The following ATP8A2 variants were observed in gnomAD, a reference collection of about 807,000 sequenced individuals.
ATP8A2 encodes the protein phospholipid-transporting ATPase IB.
In ATP8A2, 100 loss-of-function variants were observed where a neutral mutation model predicts 165.6. That is an observed-to-expected ratio of 0.60 (90% CI 0.51 to 0.71). The LOEUF is 0.71. Among genes scored for constraint, ATP8A2 ranks in the 30% least tolerant of loss-of-function variants. The pLI, the probability that ATP8A2 is intolerant of heterozygous loss-of-function variation, is 0.00. For missense variants in ATP8A2, 1,227 were observed against 1,479.5 expected, an observed-to-expected ratio of 0.83 and a Z score of 2.80; for synonymous variants, 543 against 548.8, an observed-to-expected ratio of 0.99 and a Z score of 0.15.
intron 24 of ATP8A2, among the ~76,000 whole-genome samples, chr13:25,609,536 G>GATTCAAATATATATATATATATTTGT (rs1565976831): frequency 8.8e-5 from 10 of 114,238 alleles, no homozygotes; most frequent in Admixed American, 1.6e-4. Flanking sequence ...ATATATTTGG[G>GATTCAAATATATATATATATATTTGT]ATTCAAATAT....
At chr13:25,742,471 G>A (rs576033832) in intron 25 of ATP8A2, among the ~76,000 whole-genome samples, 1 of 152,020 alleles carries the variant, frequency 6.6e-6, no homozygotes, top group East Asian at 1.9e-4. Context: ...TACAAGTTAG[G>A]GGCTAACTAG....
intron 33 of ATP8A2, among the ~76,000 whole-genome samples, chr13:25,947,044 G>A (rs548092931): frequency 3.9e-5 from 6 of 152,220 alleles, no homozygotes; most frequent in South Asian, 2.1e-4. Flanking sequence ...CACCGCCCCC[G>A]GCCATGTTAT....
intron 36 of ATP8A2, among the ~76,000 whole-genome samples, chr13:26,016,931 C>T (rs556487930): frequency 1.3e-5 from 2 of 152,202 alleles, no homozygotes; most frequent in Non-Finnish European, 2.9e-5. Context: ...TACATCAAGA[C>T]CCAGGGAGCT....
chr13:25,617,311 G>A (rs1180892382), intron 24 of ATP8A2, among the ~76,000 whole-genome samples: 1 of 152,132 alleles, frequency 6.6e-6, no homozygotes, highest in Non-Finnish European at 1.5e-5. Context: ...TAATTTGAAG[G>A]TCTTTTTCTT....
chr13:25,979,131 T>C (rs1956127683), intron 35 of ATP8A2, among the ~76,000 whole-genome samples: 1 of 152,156 alleles, frequency 6.6e-6, no homozygotes, highest in Non-Finnish European at 1.5e-5. Flanking sequence ...AAGCCAGCAC[T>C]TGGAAAGCCA....
intron 10 of ATP8A2, among the ~76,000 whole-genome samples, chr13:25,546,147 A>G (rs1318246079): frequency 1.3e-5 from 2 of 152,220 alleles, no homozygotes; most frequent in African/African-American, 2.4e-5. Flanking sequence ...GAAAACCAAT[A>G]TTACATGAGT....
chr13:25,556,035 T>C (rs1206594571), intron 13 of ATP8A2, among the ~76,000 whole-genome samples: 1 of 152,226 alleles, frequency 6.6e-6, no homozygotes, highest in Non-Finnish European at 1.5e-5. Context: ...GGCATCTAGG[T>C]TGAGTCCATG....
intron 24 of ATP8A2, among the ~76,000 whole-genome samples, chr13:25,661,704 G>A (rs1056791519): frequency 6.6e-6 from 1 of 152,212 alleles, no homozygotes; most frequent in African/African-American, 2.4e-5. Context: ...CATGGATAGT[G>A]TGACCTACCC....
At chr13:25,754,335 C>T (rs1593296635) in intron 25 of ATP8A2, among the ~76,000 whole-genome samples, 1 of 152,064 alleles carries the variant, frequency 6.6e-6, no homozygotes, top group South Asian at 2.1e-4. Context: ...CAGCATTTGT[C>T]GTTACAGGAA....
chr13:25,610,319 A>G (rs2040649436), intron 24 of ATP8A2, among the ~76,000 whole-genome samples: 2 of 152,148 alleles, frequency 1.3e-5, no homozygotes, highest in Admixed American at 6.5e-5. Context: ...ATCTGGTTTC[A>G]TTCTTCTACA....
chr13:25,917,581 G>A (rs1954305896), intron 33 of ATP8A2, among the ~76,000 whole-genome samples: 2 of 152,218 alleles, frequency 1.3e-5, no homozygotes. Flanking sequence ...TGGGCCTCAT[G>A]GATTTCACAC....
At chr13:25,688,591 T>C (rs2042655811) in intron 24 of ATP8A2, among the ~76,000 whole-genome samples, 1 of 152,274 alleles carries the variant, frequency 6.6e-6, no homozygotes, top group African/African-American at 2.4e-5. Flanking sequence ...CAATTTTAAA[T>C]GTGGTAACGG....
intron 25 of ATP8A2, among the ~76,000 whole-genome samples, chr13:25,748,313 T>A (rs1389968632): frequency 2.6e-5 from 4 of 152,256 alleles, no homozygotes; most frequent in Admixed American, 1.3e-4. Context: ...GTATTTTGAA[T>A]GTTCTTTAGA....
chr13:25,839,566 C>T lies in ATP8A2; in HGVS notation c.2898C>T (p.Ile966=), dbSNP rs1433895049. 1 of 1,613,960 alleles carries T rather than the reference C, an allele frequency of 6.2e-7. No individual in the cohort carries two copies. Among genetic ancestry groups the T allele is most frequent in the East Asian group, 2.2e-5 (1 of 44,888 alleles). The change falls in exon 30 of 37, where the codon ATC becomes ATT. Residue 966 remains isoleucine, a synonymous_variant. Coordinates refer to ENST00000381655, the MANE Select transcript of ATP8A2 (RefSeq NM_016529.6). ...CTTAGGTTTTCTGGGGTCACTGCAT[C>T]AACGCCTTGGTCCACTCCCTCATCC... ...FNTKVFWGHC[I]NALVHSLILF...
intron 2 of ATP8A2, among the ~76,000 whole-genome samples, chr13:25,519,779 G>A (rs1305307504): frequency 6.6e-6 from 1 of 152,100 alleles, no homozygotes; most frequent in African/African-American, 2.4e-5. Context: ...ATGTCTTTAG[G>A]GGAGGGGTGG....
rs537230628 is a variant in ATP8A2, at chr13:25,747,429, C to T, written c.2385-21617C>T. On this transcript the variant is annotated intron_variant, in intron 25 of 36. Coordinates refer to ENST00000381655, the MANE Select transcript of ATP8A2 (RefSeq NM_016529.6). ...TTTGAAAATATAAAGGGCTTCAATTCGAACTGTTTGGCAGATGTAGCAAAA... is the reference window on the plus strand; with the variant it reads ...TTTGAAAATATAAAGGGCTTCAATTTGAACTGTTTGGCAGATGTAGCAAAA... Among the ~76,000 whole-genome samples the T allele has an allele frequency of 3.3e-5, 5 of 152,282 alleles. No individual in the cohort carries two copies. In the South Asian group the frequency reaches 6.2e-4, roughly 19 times the overall value.
chr13:25,961,536 A>G (rs756684290), intron 33 of ATP8A2, 39 bp from the exon 34 acceptor site: 2 of 1,471,428 alleles, frequency 1.4e-6, no homozygotes, highest in Non-Finnish European at 1.9e-6. Flanking sequence ...TTTTTGAAAG[A>G]GAAAGTATTC....
At chr13:25,423,797 A>G (rs2034366070) in intron 1 of ATP8A2, among the ~76,000 whole-genome samples, 1 of 152,238 alleles carries the variant, frequency 6.6e-6, no homozygotes, top group Non-Finnish European at 1.5e-5. Context: ...TTTAAGGTCT[A>G]CTAGGGACTA....
chr13:25,631,114 A>G (rs1365067841), intron 24 of ATP8A2, among the ~76,000 whole-genome samples: 1 of 152,172 alleles, frequency 6.6e-6, no homozygotes, highest in African/African-American at 2.4e-5. Context: ...TGACCCAGCA[A>G]GCAAATCCCA....
Sources: allele counts gnomAD v4.1 joint callset (sites outside exome capture counted in the v4.1 genomes callset), GRCh38; gene constraint gnomAD v4.1.1; transcripts MANE v1.5; gene names NCBI Gene and HGNC (gene_info 2026-07-23, HGNC 2026-07-21).